The following COL24A1 variants were observed in gnomAD, a reference collection of about 807,000 sequenced individuals.
COL24A1 encodes collagen type XXIV alpha 1 chain, also known as collagen alpha-1(XXIV) chain.
COL24A1 carries 224 observed loss-of-function variants against 253.9 expected under a neutral mutation model. The ratio of observed to expected loss-of-function variants is 0.88; its 90% confidence interval spans 0.79 to 0.99. The LOEUF (loss-of-function observed/expected upper bound fraction) is 0.99. COL24A1 is among the 50% of genes least tolerant of loss of function. COL24A1 has a pLI of 0.00. For missense variants in COL24A1, 2,131 were observed against 2,068.5 expected, an observed-to-expected ratio of 1.03 and a Z score of -0.59; for synonymous variants, 685 against 673.7, an observed-to-expected ratio of 1.02 and a Z score of -0.26.
intron 24 of COL24A1, among the ~76,000 whole-genome samples, chr1:85,912,679 T>C (rs745628100): frequency 8.5e-5 from 13 of 152,216 alleles, no homozygotes; most frequent in Admixed American, 2.0e-4. Context: ...TATAGTATTA[T>C]CATCATTCCC....
In COL24A1 at chr1:85,898,746, C is replaced by T. The variant is rs186533530; in HGVS notation, c.2779-2337G>A. 3.1e-3 allele frequency among the ~76,000 whole-genome samples: 467 copies of T among 152,136 alleles called. 3 individuals carry two copies. The highest frequency in any genetic ancestry group is 0.011 in the African/African-American group (453 of 41,508). ...ACAAATCCCTGAATTCATAAACAAGCAAATAAGTACGTAAAACTAAATTAT... is the reference window on the plus strand; with the variant it reads ...ACAAATCCCTGAATTCATAAACAAGTAAATAAGTACGTAAAACTAAATTAT... On this transcript the variant is annotated intron_variant, in intron 28 of 59. Transcript: ENST00000370571.
chr1:86,139,648 AAATT>A (rs1168322127), intron 2 of COL24A1, among the ~76,000 whole-genome samples: 3 of 152,198 alleles, frequency 2.0e-5, no homozygotes, highest in African/African-American at 7.2e-5. Context: ...TTAAATAACT[AAATT>A]AATATAACAT....
At chr1:85,787,662 G>T (rs1669826380) in intron 47 of COL24A1, among the ~76,000 whole-genome samples, 1 of 152,116 alleles carries the variant, frequency 6.6e-6, no homozygotes, top group African/African-American at 2.4e-5. Context: ...GAATGGTGCT[G>T]CAATGAACAT....
chr1:86,107,212 C>T (rs998318962), intron 5 of COL24A1, among the ~76,000 whole-genome samples: 1 of 152,144 alleles, frequency 6.6e-6, no homozygotes, highest in Non-Finnish European at 1.5e-5. Context: ...TCCCCCTCTA[C>T]CACTTACAAA....
At chr1:85,866,416 G>A (rs1371907784) in intron 37 of COL24A1, among the ~76,000 whole-genome samples, 2 of 152,078 alleles carry the variant, frequency 1.3e-5, no homozygotes, top group Non-Finnish European at 2.9e-5. Flanking sequence ...AGGTTATTGG[G>A]AGGATTCTAT....
chr1:86,154,107 T>G (rs1653147282), intron 1 of COL24A1: 1 of 152,180 alleles, frequency 6.6e-6, no homozygotes, highest in Non-Finnish European at 1.5e-5. Context: ...TGGCCTGACA[T>G]TATAAATCAG....
intron 20 of COL24A1, among the ~76,000 whole-genome samples, chr1:85,987,025 A>C (rs1050005118): frequency 6.6e-6 from 1 of 151,940 alleles, no homozygotes; most frequent in African/African-American, 2.4e-5. Flanking sequence ...GTGTTAAATA[A>C]AATCTGTGCT....
At position 86,124,860 on chromosome 1, in the gene COL24A1, T is replaced by G; in HGVS notation, c.1476A>C (p.Gly492=). The change falls in exon 3 of 60, where the codon GGA becomes GGC. Residue 492 remains glycine (G), a synonymous_variant. Coordinates refer to ENST00000370571, the MANE Select transcript of COL24A1 (RefSeq NM_152890.7). ...LEMEYLRGPK[G]DTGPPGPPGP... ...AAAAACTTACGGGAGGTCCAGTGTC[T>G]CCTTTTGGCCCTCTCAGATACTCCA... The G allele has an allele frequency of 6.4e-7, 1 of 1,552,718 alleles. No individual in the cohort carries two copies. The highest frequency in any genetic ancestry group is 8.6e-7 in the Non-Finnish European group (1 of 1,158,214).
intron 24 of COL24A1, among the ~76,000 whole-genome samples, chr1:85,925,224 TATC>T (rs1169128519): frequency 3.3e-5 from 5 of 152,178 alleles, no homozygotes; most frequent in Non-Finnish European, 5.9e-5. Flanking sequence ...GAAGAATCAA[TATC>T]ATGGTAATGG....
chr1:86,142,645 A>C (rs1651328012), intron 2 of COL24A1, among the ~76,000 whole-genome samples: 1 of 152,140 alleles, frequency 6.6e-6, no homozygotes, highest in Non-Finnish European at 1.5e-5. Context: ...TACATAAAAC[A>C]AAGACGGAAA....
chr1:85,766,876 C>T (rs1204022800), intron 53 of COL24A1, among the ~76,000 whole-genome samples: 1 of 152,098 alleles, frequency 6.6e-6, no homozygotes, highest in Non-Finnish European at 1.5e-5. Flanking sequence ...GAGGCTGAGG[C>T]GGGCAGATCA....
intron 19 of COL24A1, among the ~76,000 whole-genome samples, chr1:85,997,055 GTATATATATA>G (rs59071699): frequency 2.1e-5 from 2 of 95,088 alleles, no homozygotes; most frequent in South Asian, 4.2e-4. Flanking sequence ...GTGTGTGTGT[GTATATATATA>G]TATATATATA....
intron 7 of COL24A1, among the ~76,000 whole-genome samples, chr1:86,075,301 A>G (rs1289217416): frequency 6.6e-6 from 1 of 152,218 alleles, no homozygotes; most frequent in Non-Finnish European, 1.5e-5. Context: ...GAAGAAATTG[A>G]TAAATTCCTG....
At position 86,106,006 on chromosome 1, in the gene COL24A1, G is replaced by A. The variant is rs139868316; in HGVS notation, c.1599+6561C>T. On this transcript the variant is annotated intron_variant, in intron 5 of 59. Coordinates refer to ENST00000370571, the MANE Select transcript of COL24A1 (RefSeq NM_152890.7). ...CTGTTAGGAGTGTGCCAGTCATCCC[G>A]ATCTTCAGTGGCAGCTGTTCCACCT... Among the ~76,000 whole-genome samples the A allele has an allele frequency of 7.0e-4, 106 of 152,220 alleles. 3 individuals are homozygous for A. The highest frequency in any genetic ancestry group is 7.0e-3 in the East Asian group (36 of 5,176).
intron 48 of COL24A1, 141 bp downstream of exon 48, chr1:85,786,213 C>G: frequency 3.3e-6 from 2 of 612,828 alleles, no homozygotes; most frequent in South Asian, 3.2e-5. Context: ...TACATACTTT[C>G]TCTTTTCCTA....
At chr1:86,083,880 ACTT>A (rs1702860835) in intron 7 of COL24A1, among the ~76,000 whole-genome samples, 1 of 152,250 alleles carries the variant, frequency 6.6e-6, no homozygotes, top group Non-Finnish European at 1.5e-5. Flanking sequence ...CTTACATTAT[ACTT>A]AAGCAACTTA....
At chr1:85,868,900 T>C in intron 35 of COL24A1, 65 bp from the exon 36 acceptor site, 1 of 1,179,600 alleles carries the variant, frequency 8.5e-7, no homozygotes, top group Non-Finnish European at 1.2e-6. Flanking sequence ...TTATTTTATT[T>C]TTAGCCCATA....
At chr1:85,828,493 T>G (rs955889443) in intron 43 of COL24A1, among the ~76,000 whole-genome samples, 1 of 151,386 alleles carries the variant, frequency 6.6e-6, no homozygotes, top group Non-Finnish European at 1.5e-5. Context: ...ACTTTCTGTC[T>G]CGTTGATCTG....
At chr1:85,956,635 TG>T (rs1690494088) in intron 24 of COL24A1, among the ~76,000 whole-genome samples, 2 of 152,142 alleles carry the variant, frequency 1.3e-5, no homozygotes, top group Admixed American at 1.3e-4. Flanking sequence ...AATCTTCACG[TG>T]GGGCAGAAAT....
Sources: gnomAD v4.1 joint callset for allele counts (sites outside exome capture counted in the v4.1 genomes callset) on GRCh38, gnomAD v4.1.1 for gene constraint, MANE v1.5 for transcripts, NCBI Gene and HGNC (gene_info 2026-07-23, HGNC 2026-07-21) for gene names.